Variants in TCHP observed in about 807,000 individuals in gnomAD.
The protein encoded by TCHP is trichoplein keratin filament binding, also known as trichoplein keratin filament-binding protein.
A neutral mutation model predicts 88.7 loss-of-function variants in TCHP; 81 were observed. That is an observed-to-expected ratio of 0.91 (90% confidence interval 0.76 to 1.10). The LOEUF (loss-of-function observed/expected upper bound fraction) is 1.10. Among genes scored for constraint, TCHP ranks in the 50% least tolerant of loss-of-function variants. The pLI, the probability that TCHP is intolerant of heterozygous loss-of-function variation, is 0.00. For synonymous variants in TCHP, 232 were observed against 232.5 expected (o/e 1.00, Z 0.02); for missense variants, 641 against 632.1 (o/e 1.01, Z -0.15).
rs180907479 is a variant in TCHP at position 109,909,022 on chromosome 12, C to T, written c.879+85C>T. On this transcript the variant is annotated intron_variant, in intron 8 of 12. Transcript: ENST00000405876. ...ATTGCTTAGTATATGAGTGCATTCT[C>T]GTAAGAATGAAGACAGTGAGGGGTT... 47 of 1,288,768 alleles carry T rather than the reference C, an allele frequency of 3.6e-5. 1 individual carries two copies. In the East Asian group the frequency reaches 8.5e-4, roughly 23 times the overall value. 79.8% of individuals were successfully genotyped at this position (1,288,768 alleles called of 1,614,324 possible).
chr12:109,884,814 C>G, the TCHP span, among the ~76,000 whole-genome samples: 1 of 152,216 alleles, frequency 6.6e-6, no homozygotes, highest in African/African-American at 2.4e-5. Context: ...CCCAATCACC[C>G]TAAACACCTG....
chr12:109,898,946 G>A (rs1331134027), upstream of TCHP, among the ~76,000 whole-genome samples: 2 of 152,170 alleles, frequency 1.3e-5, no homozygotes, highest in Non-Finnish European at 2.9e-5. Flanking sequence ...AGCCTCCCGA[G>A]TAGCTGGGAG....
chr12:109,914,087 A>G (rs1592914847), intron 10 of TCHP: 1 of 160,234 alleles, frequency 6.2e-6, no homozygotes, highest in African/African-American at 2.4e-5. Context: ...TGTTTTTGGA[A>G]CCCGCTGATA....
At chr12:109,907,815 G>C in intron 6 of TCHP, 116 bp downstream of exon 6, 1 of 1,196,232 alleles carries the variant, frequency 8.4e-7, no homozygotes, top group South Asian at 1.6e-5. Context: ...TTCTGCAAAG[G>C]GCGGCAGCAG....
At chr12:109,896,519 T>C (rs151230304), upstream of TCHP, among the ~76,000 whole-genome samples, 455 of 152,312 alleles carry the variant, frequency 3.0e-3, 2 homozygotes, top group Non-Finnish European at 5.6e-3. Flanking sequence ...GAAATGCTCG[T>C]TCCTTTTCTT....
rs1044677895 is a variant in TCHP, at chr12:109,904,963, C to T, written c.456+170C>T. The T allele has an allele frequency of 1.2e-5, 7 of 604,218 alleles. No individual in the cohort carries two copies. The African/African-American group carries it at 1.3e-4, about 11-fold the overall frequency. 37.4% of individuals were successfully genotyped at this position (604,218 alleles called of 1,614,324 possible). ...CTGGCACAGGCTGCGCTGAGCGGCT[C>T]ATTCGGTTGTTGAACAAATGTTGAT... On this transcript the variant is annotated intron_variant, in intron 4 of 12. Transcript: ENST00000405876.
the TCHP span, among the ~76,000 whole-genome samples, chr12:109,894,480 A>G: frequency 6.7e-6 from 1 of 148,416 alleles, no homozygotes; most frequent in Non-Finnish European, 1.5e-5. Flanking sequence ...AAAAAGAAAA[A>G]AAAGGCCGGG....
chr12:109,908,823 A>C (rs1163424436), intron 7 of TCHP, 48 bp from the exon 8 acceptor site: 5 of 1,602,886 alleles, frequency 3.1e-6, no homozygotes, highest in Non-Finnish European at 4.3e-6. Context: ...ACTTCTATTT[A>C]ATTCTTTCTG....
chr12:109,893,607 G>A, the TCHP span, among the ~76,000 whole-genome samples: 5 of 152,120 alleles, frequency 3.3e-5, no homozygotes, highest in Non-Finnish European at 5.9e-5. Context: ...TGTTGAGATC[G>A]GCTGATGCCC....
upstream of TCHP, among the ~76,000 whole-genome samples, chr12:109,896,560 CT>C (rs1324749729): frequency 6.6e-6 from 1 of 152,090 alleles, no homozygotes; most frequent in Admixed American, 6.6e-5. Context: ...CCATAGATTC[CT>C]TTTTCCTTTG....
At chr12:109,885,483 T>TTG in the TCHP span, among the ~76,000 whole-genome samples, 1 of 147,804 alleles carries the variant, frequency 6.8e-6, no homozygotes, top group Admixed American at 6.7e-5. Context: ...TGATGGTTTT[T>TTG]TTTTTTTTTT....
At position 109,903,844 on chromosome 12, in the gene TCHP, A is replaced by T; in HGVS notation, c.189-93A>T. On this transcript the variant is annotated intron_variant, in intron 2 of 12. Coordinates refer to ENST00000405876, the MANE Select transcript of TCHP (RefSeq NM_001143852.2). This position sits in a 1 kb window ranked among gnomAD's most constrained non-coding sequence, Gnocchi z 4.6. ...ACACATTCCTGTGTCGTCATGACACATCTACCTCAGCCTCTTTTACCGACA... is the reference window on the plus strand; with the variant it reads ...ACACATTCCTGTGTCGTCATGACACTTCTACCTCAGCCTCTTTTACCGACA... The T allele has an allele frequency of 2.0e-6, 2 of 1,016,496 alleles. No homozygotes were observed. Among genetic ancestry groups the T allele is most frequent in the Non-Finnish European group, 3.0e-6 (2 of 666,032 alleles). 63.0% of individuals were successfully genotyped at this position (1,016,496 alleles called of 1,614,324 possible).
At chr12:109,900,053 G>A (rs1172870885), upstream of TCHP, among the ~76,000 whole-genome samples, 1 of 152,208 alleles carries the variant, frequency 6.6e-6, no homozygotes, top group Non-Finnish European at 1.5e-5. Context: ...GAGGACCACT[G>A]ACTTACATTC....
At chr12:109,913,132 C>A in intron 10 of TCHP, 60 bp downstream of exon 10, 1 of 1,506,798 alleles carries the variant, frequency 6.6e-7, no homozygotes, top group South Asian at 1.1e-5. Flanking sequence ...GTCTGGAAGT[C>A]CATGGTCAGT....
At chr12:109,890,794 G>C in the TCHP span, among the ~76,000 whole-genome samples, 1 of 152,188 alleles carries the variant, frequency 6.6e-6, no homozygotes, top group Non-Finnish European at 1.5e-5. Flanking sequence ...ACAGGCACGA[G>C]CCACCGTGCT....
chr12:109,907,851 C>G, intron 6 of TCHP, 152 bp downstream of exon 6: 2 of 795,792 alleles, frequency 2.5e-6, no homozygotes, highest in South Asian at 3.8e-5. Context: ...CACATGCATC[C>G]CCATCTGCCT....
chr12:109,915,544 A>G lies in TCHP; in HGVS notation c.1462A>G (p.Lys488Glu), dbSNP rs1030635402. 2 of 1,610,800 alleles carry G rather than the reference A, an allele frequency of 1.2e-6. No individual in the cohort carries two copies. Among genetic ancestry groups the G allele is most frequent in the Non-Finnish European group, 1.7e-6 (2 of 1,178,008 alleles). The change falls in exon 12 of 13, where the codon AAG becomes GAG. Residue 488 changes from lysine to glutamate, a missense_variant and splice_region_variant. Transcript: ENST00000405876. ...TATGGCTGAGCAGGGCTACCGGCCT[A>G]AGGTAGGAAGTCTGCCAGGATATAG... ...ETMAEQGYRP[K>E]PYGHPKIAWN
intron 1 of TCHP, 98 bp from the exon 2 acceptor site, chr12:109,902,929 G>T: frequency 1.1e-6 from 1 of 922,984 alleles, no homozygotes; most frequent in African/African-American, 1.6e-5. Context: ...TCACTGTGCA[G>T]CCAAGGGGTG....
chr12:109,913,881 C>T (rs1448036146), intron 10 of TCHP, among the ~76,000 whole-genome samples: 5 of 152,192 alleles, frequency 3.3e-5, no homozygotes, highest in Admixed American at 2.6e-4. Context: ...CTCCTGATGG[C>T]GGCCACTTTC....
Sources: allele counts gnomAD v4.1 joint callset (sites outside exome capture counted in the v4.1 genomes callset), GRCh38; gene constraint gnomAD v4.1.1; non-coding constraint Gnocchi (gnomAD v3.1); transcripts MANE v1.5; gene names NCBI Gene and HGNC (gene_info 2026-07-23, HGNC 2026-07-21).